Variants in GPHN observed in about 807,000 individuals in gnomAD.
GPHN encodes gephyrin.
In GPHN, 17 loss-of-function variants were observed where a neutral mutation model predicts 95.5. The ratio of observed to expected loss-of-function variants is 0.18; its 90% CI spans 0.12 to 0.27. GPHN has a LOEUF of 0.27. Ranked by LOEUF, GPHN falls within the 10% of genes least tolerant of loss-of-function variation. The pLI is 1.00. For missense variants in GPHN, 660 were observed against 978.1 expected (o/e 0.67, Z 4.34); for synonymous variants, 320 against 322.5 (o/e 0.99, Z 0.08).
the GPHN span, among the ~76,000 whole-genome samples, chr14:67,664,457 C>G: frequency 6.6e-6 from 1 of 151,948 alleles, no homozygotes; most frequent in African/African-American, 2.4e-5. Flanking sequence ...CAATGTGACT[C>G]CTAAACACAA....
At chr14:66,872,890 CAAAA>C (rs371975715) in intron 4 of GPHN, among the ~76,000 whole-genome samples, 2 of 89,014 alleles carry the variant, frequency 2.2e-5, no homozygotes, top group Admixed American at 1.2e-4. Context: ...AACTTTGTCC[CAAAA>C]AAAAAAAAAA....
intron 4 of GPHN, among the ~76,000 whole-genome samples, chr14:66,832,859 T>G (rs1414779473): frequency 1.3e-5 from 2 of 152,196 alleles, no homozygotes; most frequent in Non-Finnish European, 1.5e-5. Context: ...TTTTATAAAA[T>G]TCAGGCTAAA....
intron 1 of GPHN, among the ~76,000 whole-genome samples, chr14:66,645,538 A>C (rs1265244026): frequency 6.6e-6 from 1 of 151,932 alleles, no homozygotes; most frequent in African/African-American, 2.4e-5. Flanking sequence ...TAAAAATACA[A>C]AAAGTTAGCC....
the GPHN span, among the ~76,000 whole-genome samples, chr14:67,496,397 T>A: frequency 8.4e-6 from 1 of 119,068 alleles, no homozygotes; most frequent in Non-Finnish European, 1.7e-5. Flanking sequence ...CGGCGTTTTT[T>A]TTTTTTTTTT....
intron 18 of GPHN, among the ~76,000 whole-genome samples, chr14:67,150,467 A>C (rs1256502900): frequency 2.0e-5 from 3 of 150,600 alleles, no homozygotes; most frequent in Non-Finnish European, 4.4e-5. Context: ...AAAAAAAAAA[A>C]AAAAAACATT....
At chr14:66,776,762 G>C (rs1479912141) in intron 3 of GPHN, among the ~76,000 whole-genome samples, 2 of 152,092 alleles carry the variant, frequency 1.3e-5, no homozygotes, top group Non-Finnish European at 1.5e-5. Flanking sequence ...TTCCTGTGTA[G>C]TTCATTAAAA....
intron 3 of GPHN, among the ~76,000 whole-genome samples, chr14:66,806,276 G>C (rs2060538195): frequency 6.6e-6 from 1 of 152,106 alleles, no homozygotes; most frequent in African/African-American, 2.4e-5. Flanking sequence ...CCTGGTCCCG[G>C]CCCATAAAAC....
chr14:66,515,057 G>A (rs1351711020), intron 1 of GPHN, among the ~76,000 whole-genome samples: 4 of 152,012 alleles, frequency 2.6e-5, no homozygotes, highest in South Asian at 2.1e-4. Flanking sequence ...TAGAGGTAAC[G>A]CATATGAAAA....
intron 1 of GPHN, among the ~76,000 whole-genome samples, chr14:66,656,391 G>A (rs550527308): frequency 1.3e-5 from 2 of 152,250 alleles, no homozygotes; most frequent in South Asian, 4.1e-4. Context: ...AGAGTGGTTT[G>A]TAGTATTTCC....
At chr14:67,320,821 C>T in the GPHN span, among the ~76,000 whole-genome samples, 2 of 151,938 alleles carry the variant, frequency 1.3e-5, no homozygotes, top group Non-Finnish European at 2.9e-5. Context: ...GAAGTGTAAG[C>T]ATAAAATGTA....
the GPHN span, among the ~76,000 whole-genome samples, chr14:67,217,115 A>G: frequency 6.6e-6 from 1 of 151,806 alleles, no homozygotes; most frequent in Admixed American, 6.6e-5. Context: ...TACAATTGTT[A>G]TATCTTCACG....
chr14:66,590,272 G>A (rs2061584337), intron 1 of GPHN, among the ~76,000 whole-genome samples: 1 of 152,120 alleles, frequency 6.6e-6, no homozygotes, highest in African/African-American at 2.4e-5. Context: ...AACTAGAGAA[G>A]CAAGAGCAAA....
chr14:67,678,733 T>C, the GPHN span, among the ~76,000 whole-genome samples: 1 of 152,172 alleles, frequency 6.6e-6, no homozygotes, highest in Non-Finnish European at 1.5e-5. Flanking sequence ...CCCATGTATA[T>C]CCATCTTCTT....
intron 4 of GPHN, among the ~76,000 whole-genome samples, chr14:66,859,265 G>A (rs2062929448): frequency 6.6e-6 from 1 of 152,156 alleles, no homozygotes; most frequent in African/African-American, 2.4e-5. Flanking sequence ...GATGGCCACT[G>A]GTGTTTGTAT....
rs375698778 is a variant in GPHN at position 67,043,483 on chromosome 14, GATA to G, written c.1007-15163_1007-15161del. On this transcript the variant is annotated intron_variant, in intron 10 of 22. Coordinates refer to ENST00000478722, the MANE Select transcript of GPHN (RefSeq NM_020806.5). ...CAAAGGCCTTTTCTGCATCTATTAA[GATA>G]ATCGTGTTTTTTGTCATTGGTTTGG... Among the ~76,000 whole-genome samples, 142 of 152,272 alleles carry G rather than the reference GATA, an allele frequency of 9.3e-4. 2 individuals carry two copies. In the East Asian group the frequency reaches 0.025, roughly 27 times the overall value.
At chr14:67,370,507 A>G in the GPHN span, among the ~76,000 whole-genome samples, 1 of 152,204 alleles carries the variant, frequency 6.6e-6, no homozygotes, top group South Asian at 2.1e-4. Flanking sequence ...ACAAATTACC[A>G]ATCTGGAATG....
At chr14:67,017,138 T>C (rs1203649021) in intron 9 of GPHN, among the ~76,000 whole-genome samples, 11 of 152,104 alleles carry the variant, frequency 7.2e-5, no homozygotes, top group African/African-American at 2.7e-4. Flanking sequence ...CCAAAACTCT[T>C]TGAGTTCTTC....
intron 8 of GPHN, among the ~76,000 whole-genome samples, chr14:66,939,803 G>A (rs182023762): frequency 1.4e-4 from 21 of 152,320 alleles, no homozygotes; most frequent in Admixed American, 1.1e-3. Context: ...TTGGTAAACA[G>A]CAGTCACATC....
chr14:67,354,798 C>A, the GPHN span, among the ~76,000 whole-genome samples: 3 of 152,056 alleles, frequency 2.0e-5, no homozygotes, highest in Admixed American at 1.3e-4. Context: ...CTACTATATT[C>A]TTTTGTACCT....
Sources: gnomAD v4.1 joint callset for allele counts (sites outside exome capture counted in the v4.1 genomes callset) on GRCh38, gnomAD v4.1.1 for gene constraint, MANE v1.5 for transcripts, NCBI Gene and HGNC (gene_info 2026-07-23, HGNC 2026-07-21) for gene names.